The following CAST variants were observed in gnomAD, a reference collection of about 807,000 sequenced individuals.
The protein encoded by CAST is MIR583 host.
CAST carries 76 observed loss-of-function variants against 119.6 expected under a neutral mutation model. The ratio of observed to expected loss-of-function variants is 0.64; its 90% CI spans 0.53 to 0.77. The LOEUF (loss-of-function observed/expected upper bound fraction) is 0.77, where lower values mean the gene tolerates loss of function less well. Ranked by LOEUF, CAST falls within the 30% of genes least tolerant of loss-of-function variation. The pLI is 0.00. For synonymous variants in CAST, 319 were observed against 331.6 expected (o/e 0.96, Z 0.41); for missense variants, 953 against 946.5 (o/e 1.01, Z -0.09).
the CAST span, among the ~76,000 whole-genome samples, chr5:96,011,628 A>C: frequency 6.6e-6 from 1 of 152,200 alleles, no homozygotes; most frequent in Non-Finnish European, 1.5e-5. Context: ...GTAAGTCTCA[A>C]AAATTAGATA....
At chr5:96,519,079 G>C in the CAST span, among the ~76,000 whole-genome samples, 1 of 152,072 alleles carries the variant, frequency 6.6e-6, no homozygotes, top group Non-Finnish European at 1.5e-5. Flanking sequence ...AAAAAAGAAT[G>C]GCTGTGAGTA....
At chr5:96,226,414 G>T in the CAST span, among the ~76,000 whole-genome samples, 1,007 of 152,298 alleles carry the variant, frequency 6.6e-3, 18 homozygotes, top group African/African-American at 0.023. Flanking sequence ...ACTTTGGGAG[G>T]CTGAGGTGGG....
At chr5:96,632,400 C>T (rs146832459) in intron 1 of CAST, among the ~76,000 whole-genome samples, 2,422 of 150,320 alleles carry the variant, frequency 0.016, 30 homozygotes, top group Non-Finnish European at 0.024. Context: ...AAAAATTGTG[C>T]TTTGTCAATT....
At chr5:96,711,448 A>G (rs1275923296) in intron 3 of CAST, among the ~76,000 whole-genome samples, 1 of 152,250 alleles carries the variant, frequency 6.6e-6, no homozygotes, top group Non-Finnish European at 1.5e-5. Context: ...TTTTGAAAAT[A>G]AATAGAAACA....
chr5:96,711,823 C>A (rs968301513), intron 3 of CAST, among the ~76,000 whole-genome samples: 1 of 152,208 alleles, frequency 6.6e-6, no homozygotes, highest in Admixed American at 6.5e-5. Context: ...TGCTGAAATT[C>A]TAATGGGTGA....
chr5:96,440,571 G>T, the CAST span, among the ~76,000 whole-genome samples: 7 of 152,098 alleles, frequency 4.6e-5, no homozygotes, highest in African/African-American at 1.2e-4. Context: ...ACTTGTGGGT[G>T]GGGGAGGTGG....
chr5:96,437,410 A>T, the CAST span, among the ~76,000 whole-genome samples: 1 of 152,220 alleles, frequency 6.6e-6, no homozygotes, highest in African/African-American at 2.4e-5. Flanking sequence ...CTTTTAAAAT[A>T]TGCATTTACT....
intron 1 of CAST, among the ~76,000 whole-genome samples, chr5:96,531,737 A>C (rs1745692767): frequency 6.6e-6 from 1 of 152,216 alleles, no homozygotes; most frequent in South Asian, 2.1e-4. Context: ...ATAGAAAAGA[A>C]ACTTCATTAA....
chr5:96,141,664 T>C, the CAST span, among the ~76,000 whole-genome samples: 1 of 152,230 alleles, frequency 6.6e-6, no homozygotes, highest in Non-Finnish European at 1.5e-5. Context: ...AGTCTTGCTA[T>C]TGAAAATCCT....
At chr5:96,663,342 A>G (rs1034560164) in intron 1 of CAST, among the ~76,000 whole-genome samples, 1 of 152,194 alleles carries the variant, frequency 6.6e-6, no homozygotes, top group African/African-American at 2.4e-5. Flanking sequence ...GGGGAGAGGC[A>G]GGGGACTCAC....
At chr5:96,474,099 T>C in the CAST span, among the ~76,000 whole-genome samples, 1 of 152,180 alleles carries the variant, frequency 6.6e-6, no homozygotes, top group African/African-American at 2.4e-5. Flanking sequence ...GTAAGCCATG[T>C]GGATCAGTTA....
chr5:96,586,489 G>T (rs188155224), intron 1 of CAST, among the ~76,000 whole-genome samples: 3 of 152,212 alleles, frequency 2.0e-5, no homozygotes, highest in Non-Finnish European at 2.9e-5. Flanking sequence ...AGACAGAAGA[G>T]AAGCCACATT....
the CAST span, among the ~76,000 whole-genome samples, chr5:96,241,416 G>A: frequency 6.6e-6 from 1 of 151,728 alleles, no homozygotes; most frequent in South Asian, 2.1e-4. Context: ...TGGCTGCATA[G>A]TATTCCATGG....
At chr5:96,351,577 A>G in the CAST span, among the ~76,000 whole-genome samples, 27 of 152,284 alleles carry the variant, frequency 1.8e-4, no homozygotes, top group African/African-American at 6.0e-4. Context: ...TTGTTATCCC[A>G]GTATAATTAA....
chr5:96,075,690 C>T, the CAST span, among the ~76,000 whole-genome samples: 1 of 152,052 alleles, frequency 6.6e-6, no homozygotes, highest in African/African-American at 2.4e-5. Context: ...GATTTGGAGC[C>T]ATGTTGAGGA....
chr5:96,162,714 G>A, the CAST span, among the ~76,000 whole-genome samples: 32 of 152,172 alleles, frequency 2.1e-4, no homozygotes, highest in Non-Finnish European at 4.0e-4. Context: ...CACTGCACCC[G>A]GCCTGATTTT....
the CAST span, among the ~76,000 whole-genome samples, chr5:96,231,343 A>G: frequency 2.0e-5 from 3 of 152,154 alleles, no homozygotes; most frequent in African/African-American, 7.2e-5. Flanking sequence ...ACATGGATGA[A>G]CCTAAAAATA....
At chr5:96,458,629 A>C in the CAST span, among the ~76,000 whole-genome samples, 1 of 152,230 alleles carries the variant, frequency 6.6e-6, no homozygotes, top group Non-Finnish European at 1.5e-5. Flanking sequence ...TCAGGCCTTT[A>C]GCATTAATTC....
At chr5:96,400,403 T>A in the CAST span, among the ~76,000 whole-genome samples, 1 of 152,214 alleles carries the variant, frequency 6.6e-6, no homozygotes, top group Non-Finnish European at 1.5e-5. Flanking sequence ...AGTTATGACT[T>A]CTCTCCAGAG....
Sources: allele counts gnomAD v4.1 joint callset (sites outside exome capture counted in the v4.1 genomes callset), GRCh38; gene constraint gnomAD v4.1.1; transcripts MANE v1.5; gene names NCBI Gene and HGNC (gene_info 2026-07-23, HGNC 2026-07-21).